STYK1: variants seen among roughly 807,000 people sequenced by gnomAD.
STYK1 encodes STY kinase 1.
Under a neutral mutation model 48.1 loss-of-function variants are expected in STYK1, and 46 were observed. The ratio of observed to expected loss-of-function variants is 0.96; its 90% confidence interval spans 0.75 to 1.22. The LOEUF (loss-of-function observed/expected upper bound fraction) is 1.22. Ranked by LOEUF, STYK1 falls within the 50% of genes most tolerant of loss-of-function variation. The pLI, the probability that STYK1 is intolerant of heterozygous loss-of-function variation, is 0.00. For missense variants in STYK1, 527 were observed against 521.1 expected, an observed-to-expected ratio of 1.01 and a Z score of -0.11; for synonymous variants, 188 against 189.0, an observed-to-expected ratio of 0.99 and a Z score of 0.04.
At chr12:10,652,231 C>A (rs1326141639) in intron 1 of STYK1, among the ~76,000 whole-genome samples, 1 of 152,184 alleles carries the variant, frequency 6.6e-6, no homozygotes, top group Non-Finnish European at 1.5e-5. Context: ...TCTACATTGG[C>A]AGCCACTATT....
Position 10,624,658 on chromosome 12 carries a change from C to T in STYK1, c.919G>A (p.Ala307Thr). 1 of 1,613,998 alleles carries T rather than the reference C, an allele frequency of 6.2e-7. No individual in the cohort carries two copies. Among genetic ancestry groups the T allele is most frequent in the Non-Finnish European group, 8.5e-7 (1 of 1,179,992 alleles). Residue 307 changes from alanine to threonine, a missense_variant, in exon 8 of 11, where the codon GCA (alanine) becomes ACA (threonine). Ala to Thr is a moderately conservative substitution (Grantham distance 58). Coordinates refer to ENST00000075503, the MANE Select transcript of STYK1 (RefSeq NM_018423.3). ...RLLLRPASIR[A>T]DVWSFGILLY... The stretch of plus-strand genomic sequence containing the variant: ...TCCAGGAATAAACCGTACACATCTG[C>T]TCTGATGCTAGCAGGTCTCAGGAGA...
chr12:10,657,255 A>G (rs974393097), intron 1 of STYK1, among the ~76,000 whole-genome samples: 2 of 152,202 alleles, frequency 1.3e-5, no homozygotes, highest in East Asian at 3.8e-4. Flanking sequence ...CTGTTCCTCA[A>G]AGGGCTCCTC....
At chr12:10,620,471 G>T (rs980161224) in intron 10 of STYK1, 123 bp from the exon 11 acceptor site, 1 of 854,000 alleles carries the variant, frequency 1.2e-6, no homozygotes, top group African/African-American at 1.7e-5. Flanking sequence ...TGTTTGCCCT[G>T]TTACTCATAT....
chr12:10,649,104 AC>A (rs1368337259), intron 1 of STYK1, among the ~76,000 whole-genome samples: 2 of 152,100 alleles, frequency 1.3e-5, no homozygotes, highest in African/African-American at 4.8e-5. Context: ...AAAATCTGTG[AC>A]CCTTATTTAA....
chr12:10,626,988 C>A (rs1475921794), intron 7 of STYK1, among the ~76,000 whole-genome samples: 2 of 152,160 alleles, frequency 1.3e-5, no homozygotes, highest in African/African-American at 4.8e-5. Context: ...GCCTGGGCAA[C>A]TGAGCAAGAC....
At chr12:10,636,317 C>T (rs1947485215) in intron 2 of STYK1, among the ~76,000 whole-genome samples, 1 of 152,140 alleles carries the variant, frequency 6.6e-6, no homozygotes, top group Non-Finnish European at 1.5e-5. Flanking sequence ...CAAAACTGTG[C>T]AGTTGGTTGA....
chr12:10,623,501 T>A (rs1050024481), intron 8 of STYK1, among the ~76,000 whole-genome samples: 1 of 152,182 alleles, frequency 6.6e-6, no homozygotes, highest in Non-Finnish European at 1.5e-5. Flanking sequence ...CAATTTTACA[T>A]GTAATTGCAA....
intron 1 of STYK1, among the ~76,000 whole-genome samples, chr12:10,671,450 G>A (rs1027810318): frequency 8.4e-6 from 1 of 118,432 alleles, no homozygotes; most frequent in African/African-American, 3.8e-5. Context: ...AAAAGTGAGC[G>A]TCAGCATAAG....
rs749262669 is a variant in STYK1, at chr12:10,631,057, T to G, written c.439A>C (p.Lys147Gln). 2 of 1,613,840 alleles carry G rather than the reference T, an allele frequency of 1.2e-6. No homozygotes were observed. Among genetic ancestry groups the G allele is most frequent in the South Asian group, 2.2e-5 (2 of 91,052 alleles). ...CTTCTTGTTTTACCTTTTAAAGCCT[T>G]GAGAATAACACTCTTGGGCTTAGAA... The part of the protein sequence containing the change: ...DPSKPKSVIL[K>Q]ALKEPAGLHE... The change falls in exon 5 of 11, where the codon AAG becomes CAG. Residue 147 changes from lysine to glutamine, a missense_variant. Transcript: ENST00000075503.
chr12:10,640,849 C>T (rs1288078945), intron 1 of STYK1: 2 of 152,188 alleles, frequency 1.3e-5, no homozygotes, highest in Non-Finnish European at 2.9e-5. Context: ...CCCATAACAT[C>T]TAGGTAAGAA....
rs1173269198 is a variant in STYK1 at position 10,672,304 on chromosome 12, C to T, written c.-195+1662G>A. Among the ~76,000 whole-genome samples the T allele has an allele frequency of 6.6e-6, 1 of 152,236 alleles. No homozygotes were observed. Among genetic ancestry groups the T allele is most frequent in the African/African-American group, 2.4e-5 (1 of 41,452 alleles). ...ATCAGAGGCAGGTGAGCCAGCAAAG[C>T]TTCATCTGCATTTACAGCCACTCCC... On this transcript the variant is annotated intron_variant, in intron 1 of 10. Coordinates refer to ENST00000075503, the MANE Select transcript of STYK1 (RefSeq NM_018423.3). The surrounding 1 kb of genome is among the most constrained non-coding windows in gnomAD (Gnocchi z 4.0).
intron 1 of STYK1, among the ~76,000 whole-genome samples, chr12:10,642,931 C>G (rs1187399761): frequency 6.6e-6 from 1 of 152,192 alleles, no homozygotes; most frequent in Non-Finnish European, 1.5e-5. Flanking sequence ...AATTTTTCAG[C>G]TCCTTGTACT....
chr12:10,663,167 T>C (rs956280478), intron 1 of STYK1, among the ~76,000 whole-genome samples: 1 of 152,096 alleles, frequency 6.6e-6, no homozygotes, highest in African/African-American at 2.4e-5. Context: ...CAGGCTGGAG[T>C]GCAATGGTGT....
At chr12:10,631,737 A>T (rs1947431740) in intron 4 of STYK1, among the ~76,000 whole-genome samples, 1 of 152,210 alleles carries the variant, frequency 6.6e-6, no homozygotes, top group South Asian at 2.1e-4. Flanking sequence ...ATGGATAATT[A>T]ATCAGCTTTA....
intron 1 of STYK1, among the ~76,000 whole-genome samples, chr12:10,638,536 T>C (rs922615671): frequency 6.6e-5 from 10 of 152,216 alleles, no homozygotes; most frequent in African/African-American, 2.4e-4. Context: ...TAATATTAAT[T>C]CTAAACTTTT....
chr12:10,660,214 C>T (rs1947761364), intron 1 of STYK1, among the ~76,000 whole-genome samples: 2 of 152,162 alleles, frequency 1.3e-5, no homozygotes, highest in African/African-American at 4.8e-5. Context: ...GCAGTATAAG[C>T]TTACTGAATG....
At chr12:10,647,528 T>C (rs965962066) in intron 1 of STYK1, among the ~76,000 whole-genome samples, 3 of 152,216 alleles carry the variant, frequency 2.0e-5, no homozygotes, top group Admixed American at 6.5e-5. Context: ...TGGAAGTGAC[T>C]TGCTTTGTCT....
At position 10,631,054 on chromosome 12, in the gene STYK1, C is replaced by A; in HGVS notation, c.442G>T (p.Ala148Ser). ...ACACTTCTTGTTTTACCTTTTAAAG[C>A]CTTGAGAATAACACTCTTGGGCTTA... Reference protein sequence around the residue: ...PSKPKSVILKALKEPAGLHEV... With the variant: ...PSKPKSVILKSLKEPAGLHEV... The change falls in exon 5 of 11, where the codon GCT becomes TCT. Residue 148 changes from alanine to serine, a missense_variant. By Grantham distance (99) the Ala-to-Ser change is moderately conservative (BLOSUM62 1). Transcript: ENST00000075503. The A allele has an allele frequency of 6.2e-7, 1 of 1,613,700 alleles. No individual in the cohort carries two copies. The highest frequency in any genetic ancestry group is 1.7e-4 in the Middle Eastern group (1 of 5,888).
chr12:10,658,615 G>A (rs1947744193), intron 1 of STYK1, among the ~76,000 whole-genome samples: 1 of 151,988 alleles, frequency 6.6e-6, no homozygotes, highest in South Asian at 2.1e-4. Flanking sequence ...GTCTTTTTCT[G>A]ACCTAATTAA....
Sources: gnomAD v4.1 joint callset for allele counts (sites outside exome capture counted in the v4.1 genomes callset) on GRCh38, gnomAD v4.1.1 for gene constraint, Gnocchi (gnomAD v3.1) non-coding constraint, MANE v1.5 for transcripts, NCBI Gene and HGNC (gene_info 2026-07-23, HGNC 2026-07-21) for gene names.